Variants in IQCM observed in about 807,000 individuals in gnomAD.
IQCM encodes IQ motif containing M, also known as IQ domain-containing protein M.
Under a neutral mutation model 57.6 loss-of-function variants are expected in IQCM, and 45 were observed. The observed-to-expected ratio is 0.78, with a 90% CI of 0.62 to 1.00. IQCM has a LOEUF of 1.00. Among genes scored for constraint, IQCM ranks in the 50% least tolerant of loss-of-function variants. IQCM has a pLI of 0.00. For missense variants in IQCM, 468 were observed against 511.6 expected (o/e 0.91, Z 0.82); for synonymous variants, 148 against 158.9 (o/e 0.93, Z 0.51).
At chr4:149,470,656 C>T (rs1396020012) in intron 12 of IQCM, among the ~76,000 whole-genome samples, 2 of 152,158 alleles carry the variant, frequency 1.3e-5, no homozygotes, top group Admixed American at 1.3e-4. Context: ...CCACCACAAA[C>T]CAACAGAATA....
intron 13 of IQCM, among the ~76,000 whole-genome samples, chr4:149,388,136 G>T (rs1731555571): frequency 6.6e-6 from 1 of 151,710 alleles, no homozygotes; most frequent in African/African-American, 2.4e-5. Context: ...GGATAATATT[G>T]CTATGAATAG....
chr4:149,629,413 C>T (rs551730004), intron 7 of IQCM, among the ~76,000 whole-genome samples: 3 of 152,012 alleles, frequency 2.0e-5, no homozygotes, highest in South Asian at 2.1e-4. Context: ...AATATAATGG[C>T]GATTTTGATT....
intron 8 of IQCM, among the ~76,000 whole-genome samples, chr4:149,589,061 G>T (rs1263813415): frequency 6.6e-6 from 1 of 152,056 alleles, no homozygotes; most frequent in South Asian, 2.1e-4. Flanking sequence ...CTGGGCCATT[G>T]CCTGTCTGGT....
At chr4:149,642,444 C>T (rs1264400862) in intron 7 of IQCM, among the ~76,000 whole-genome samples, 6 of 152,036 alleles carry the variant, frequency 3.9e-5, no homozygotes, top group African/African-American at 1.4e-4. Context: ...AAATTAATTC[C>T]AACTTTAAGG....
chr4:149,538,478 CA>C (rs1199051463), intron 12 of IQCM, among the ~76,000 whole-genome samples: 3 of 151,730 alleles, frequency 2.0e-5, no homozygotes, highest in Non-Finnish European at 4.4e-5. Flanking sequence ...AACACGGGGA[CA>C]AAGGAGACGT....
intron 7 of IQCM, among the ~76,000 whole-genome samples, chr4:149,623,503 C>G (rs541211318): frequency 6.6e-6 from 1 of 152,218 alleles, no homozygotes; most frequent in Non-Finnish European, 1.5e-5. Flanking sequence ...TAATCATTCA[C>G]ATACTGATGT....
intron 12 of IQCM, among the ~76,000 whole-genome samples, chr4:149,523,215 C>T (rs72726121): frequency 0.21 from 32,515 of 152,012 alleles, 4,363 homozygotes; most frequent in Non-Finnish European, 0.29. Flanking sequence ...ACCCTCACAA[C>T]CCAATTACCT....
At chr4:149,813,486 G>A (rs1774781714) in intron 2 of IQCM, among the ~76,000 whole-genome samples, 2 of 151,978 alleles carry the variant, frequency 1.3e-5, no homozygotes, top group Admixed American at 1.3e-4. Context: ...TCAGTGACAG[G>A]AAAAGCCAAG....
At position 149,485,238 on chromosome 4, in the gene IQCM, G is replaced by C. The variant is rs972275885; in HGVS notation, c.1229-51681C>G. Among the ~76,000 whole-genome samples the C allele has an allele frequency of 4.0e-5, 6 of 151,876 alleles. No individual in the cohort carries two copies. The South Asian group carries it at 1.2e-3, about 31-fold the overall frequency. ...TTCTATAATCTTCTTATATGTGAAT[G>C]TTGATATCTTTCTCTAGGTTTGGGA... is the stretch of plus-strand genomic sequence containing the variant. On this transcript the variant is annotated intron_variant, in intron 12 of 13. Transcript: ENST00000636793.
chr4:149,613,479 A>C (rs1448027834), intron 8 of IQCM, among the ~76,000 whole-genome samples: 1 of 152,084 alleles, frequency 6.6e-6, no homozygotes, highest in Non-Finnish European at 1.5e-5. Flanking sequence ...AAAATGAAAA[A>C]TTTCGTATAT....
intron 13 of IQCM, among the ~76,000 whole-genome samples, chr4:149,411,676 T>G (rs1733390213): frequency 6.6e-6 from 1 of 152,178 alleles, no homozygotes; most frequent in Non-Finnish European, 1.5e-5. Context: ...TTTATTAGAT[T>G]AAGAAAAGTA....
chr4:149,407,353 C>A (rs1293253023), intron 13 of IQCM, among the ~76,000 whole-genome samples: 1 of 152,016 alleles, frequency 6.6e-6, no homozygotes, highest in South Asian at 2.1e-4. Context: ...TTTAAGGGTA[C>A]AAGTGCAGTT....
chr4:149,390,926 C>T (rs1264701025), intron 13 of IQCM, among the ~76,000 whole-genome samples: 1 of 151,330 alleles, frequency 6.6e-6, no homozygotes, highest in African/African-American at 2.4e-5. Flanking sequence ...ATACTGGCCT[C>T]ACAGAATGAG....
intron 6 of IQCM, among the ~76,000 whole-genome samples, chr4:149,684,995 A>G (rs936597627): frequency 1.3e-5 from 2 of 151,454 alleles, no homozygotes; most frequent in African/African-American, 4.8e-5. Flanking sequence ...TGTTTTCATT[A>G]AAAACAGGAA....
chr4:149,444,808 C>T (rs570041684), intron 12 of IQCM, among the ~76,000 whole-genome samples: 34 of 151,932 alleles, frequency 2.2e-4, no homozygotes, highest in African/African-American at 8.0e-4. Context: ...ATGAGCCTAA[C>T]ATATTGCATT....
At chr4:149,592,973 G>GT (rs1405381703) in intron 8 of IQCM, among the ~76,000 whole-genome samples, 3 of 152,126 alleles carry the variant, frequency 2.0e-5, no homozygotes, top group African/African-American at 4.8e-5. Context: ...CTTTAAAATA[G>GT]TTTTTTCCAA....
intron 12 of IQCM, among the ~76,000 whole-genome samples, chr4:149,503,650 G>A (rs1287051397): frequency 6.6e-6 from 1 of 151,936 alleles, no homozygotes; most frequent in African/African-American, 2.4e-5. Context: ...GAAGGTATAT[G>A]CCAGTGAACC....
intron 12 of IQCM, among the ~76,000 whole-genome samples, chr4:149,466,438 C>T (rs1477208151): frequency 6.6e-6 from 1 of 152,148 alleles, no homozygotes; most frequent in East Asian, 1.9e-4. Flanking sequence ...AAATTGTATA[C>T]TCAAATCTGT....
At chr4:149,703,886 G>A (rs551712018) in intron 5 of IQCM, among the ~76,000 whole-genome samples, 45 of 151,760 alleles carry the variant, frequency 3.0e-4, no homozygotes, top group Non-Finnish European at 5.0e-4. Flanking sequence ...AGGTTCTAAC[G>A]TTCTCTAGAA....
Sources: gnomAD v4.1 joint callset for allele counts (sites outside exome capture counted in the v4.1 genomes callset) on GRCh38, gnomAD v4.1.1 for gene constraint, MANE v1.5 for transcripts, NCBI Gene and HGNC (gene_info 2026-07-23, HGNC 2026-07-21) for gene names.